The following STPG2 variants were observed in gnomAD, a reference collection of about 807,000 sequenced individuals.
STPG2 encodes sperm-tail PG-rich repeat-containing protein 2.
A neutral mutation model predicts 54.2 loss-of-function variants in STPG2; 56 were observed. That is an observed-to-expected ratio of 1.03 (90% CI 0.83 to 1.29). STPG2 has a LOEUF of 1.29. STPG2 is among the 50% of genes most tolerant of loss of function. The probability of loss-of-function intolerance (pLI) is 0.00; values close to 1 mark genes in which losing one functional copy is unlikely to be tolerated. For missense variants in STPG2, 596 were observed against 544.9 expected (o/e 1.09, Z -0.93); for synonymous variants, 200 against 181.8 (o/e 1.10, Z -0.81).
At chr4:97,519,512 T>C (rs1010604257) in intron 4 of STPG2, among the ~76,000 whole-genome samples, 1 of 151,410 alleles carries the variant, frequency 6.6e-6, no homozygotes, top group Non-Finnish European at 1.5e-5. Flanking sequence ...GTGAGAAAAA[T>C]TTTTAAAAAA....
intron 9 of STPG2, among the ~76,000 whole-genome samples, chr4:97,829,659 C>A (rs1441054036): frequency 6.6e-6 from 1 of 152,024 alleles, no homozygotes; most frequent in Non-Finnish European, 1.5e-5. Context: ...AATAGAATAA[C>A]CAGTTTAGAA....
chr4:97,500,074 A>C (rs1393009625), intron 4 of STPG2, among the ~76,000 whole-genome samples: 1 of 152,016 alleles, frequency 6.6e-6, no homozygotes, highest in Non-Finnish European at 1.5e-5. Context: ...AAAAGGCAAT[A>C]GGAGGGGCAA....
rs1322383098 is a variant in STPG2 at position 98,109,257 on chromosome 4, A to G, written c.436T>C (p.Ser146Pro). 1 of 1,611,494 alleles carries G rather than the reference A, an allele frequency of 6.2e-7. No individual in the cohort carries two copies. Among genetic ancestry groups the G allele is most frequent in the Non-Finnish European group, 8.5e-7 (1 of 1,178,692 alleles). ...TTAGGTAACTCTTGTCTTCCTGAAG[A>G]GTTGCCAAAATGTATACCTTTGTAT... ...LKYKGIHFGNSSGRQELPKKS... is the reference protein window; with the variant it reads ...LKYKGIHFGNPSGRQELPKKS... The change falls in exon 4 of 11, where the codon TCT becomes CCT. Residue 146 changes from serine (S) to proline (P), a missense_variant. Transcript: ENST00000295268.
chr4:98,011,908 C>G (rs1284851411), intron 5 of STPG2, among the ~76,000 whole-genome samples: 1 of 152,000 alleles, frequency 6.6e-6, no homozygotes, highest in Admixed American at 6.6e-5. Context: ...TTCTGTAGGT[C>G]GCCTGTTCAC....
At chr4:97,471,546 A>G (rs1729928911) in intron 4 of STPG2, among the ~76,000 whole-genome samples, 1 of 152,162 alleles carries the variant, frequency 6.6e-6, no homozygotes, top group Non-Finnish European at 1.5e-5. Context: ...AAAATACTGA[A>G]ATACTTCTCT....
chr4:97,966,570 T>G (rs1734106953), intron 7 of STPG2, among the ~76,000 whole-genome samples: 1 of 152,022 alleles, frequency 6.6e-6, no homozygotes, highest in African/African-American at 2.4e-5. Flanking sequence ...GACACATAAT[T>G]GTCAGATTCA....
At chr4:97,505,043 A>T (rs1031622415) in intron 4 of STPG2, among the ~76,000 whole-genome samples, 3 of 148,184 alleles carry the variant, frequency 2.0e-5, no homozygotes, top group African/African-American at 7.4e-5. Flanking sequence ...TTACAGTGGT[A>T]TTTTTTTTTT....
At chr4:97,736,386 C>T (rs191256112) in intron 9 of STPG2, among the ~76,000 whole-genome samples, 25 of 152,196 alleles carry the variant, frequency 1.6e-4, no homozygotes, top group Non-Finnish European at 2.6e-4. Context: ...ACACCGTGCG[C>T]GAGTCGAAGC....
intron 9 of STPG2, among the ~76,000 whole-genome samples, chr4:97,815,758 T>G (rs1350212212): frequency 6.6e-6 from 1 of 152,192 alleles, no homozygotes; most frequent in East Asian, 1.9e-4. Flanking sequence ...TCTTGTTATC[T>G]TTATTTGGAG....
intron 9 of STPG2, among the ~76,000 whole-genome samples, chr4:97,755,544 G>C (rs1178484849): frequency 6.6e-6 from 1 of 152,038 alleles, no homozygotes; most frequent in Non-Finnish European, 1.5e-5. Flanking sequence ...AAAAAGCAAA[G>C]ATGTACTTCA....
At chr4:97,721,660 T>G (rs1416999070) in intron 9 of STPG2, among the ~76,000 whole-genome samples, 1 of 152,084 alleles carries the variant, frequency 6.6e-6, no homozygotes, top group Non-Finnish European at 1.5e-5. Flanking sequence ...TTGTACACTA[T>G]TAACTGAAAT....
At chr4:97,561,064 C>A (rs1268197163) in intron 10 of STPG2, among the ~76,000 whole-genome samples, 2 of 152,080 alleles carry the variant, frequency 1.3e-5, no homozygotes, top group African/African-American at 2.4e-5. Context: ...TACAGTCCCA[C>A]CAACAGTGTA....
At chr4:97,748,623 T>C (rs1297847099) in intron 9 of STPG2, among the ~76,000 whole-genome samples, 1 of 151,544 alleles carries the variant, frequency 6.6e-6, no homozygotes, top group Admixed American at 6.6e-5. Context: ...TTGCAGACTA[T>C]ATGGTCTCTG....
intron 7 of STPG2, among the ~76,000 whole-genome samples, chr4:97,963,501 T>C (rs1262808041): frequency 1.3e-5 from 2 of 151,878 alleles, no homozygotes; most frequent in South Asian, 4.2e-4. Context: ...AAAAATTTTT[T>C]TAAAATAGCC....
intron 5 of STPG2, among the ~76,000 whole-genome samples, chr4:98,054,396 T>C (rs1159619478): frequency 6.6e-6 from 1 of 152,140 alleles, no homozygotes; most frequent in Non-Finnish European, 1.5e-5. Context: ...TAAATTATTA[T>C]GAATGTGAGG....
intron 10 of STPG2, among the ~76,000 whole-genome samples, chr4:97,624,560 C>G (rs752737039): frequency 7.2e-4 from 110 of 152,246 alleles, no homozygotes; most frequent in Non-Finnish European, 1.4e-3. Context: ...AAAAATTTCT[C>G]CCATTCTGTA....
intron 5 of STPG2, among the ~76,000 whole-genome samples, chr4:98,094,932 C>T (rs1351260133): frequency 1.3e-5 from 2 of 152,044 alleles, no homozygotes; most frequent in African/African-American, 4.8e-5. Flanking sequence ...TAAGCTTATA[C>T]TTGACTAAGT....
At chr4:97,453,537 G>A (rs1729432547) in intron 4 of STPG2, among the ~76,000 whole-genome samples, 1 of 152,170 alleles carries the variant, frequency 6.6e-6, no homozygotes, top group African/African-American at 2.4e-5. Context: ...CAAAGATCCT[G>A]TGACAATGGG....
intron 9 of STPG2, among the ~76,000 whole-genome samples, chr4:97,744,068 AG>A (rs1179213379): frequency 4.6e-5 from 7 of 151,634 alleles, no homozygotes; most frequent in Middle Eastern, 3.4e-3. Flanking sequence ...AATAGTCAAT[AG>A]TGAGCCTTGA....
Sources: allele counts gnomAD v4.1 joint callset (sites outside exome capture counted in the v4.1 genomes callset), GRCh38; gene constraint gnomAD v4.1.1; transcripts MANE v1.5; gene names NCBI Gene and HGNC (gene_info 2026-07-23, HGNC 2026-07-21).